ZNF484: variants seen among roughly 807,000 people sequenced by gnomAD.
ZNF484 encodes zinc finger protein 484, also known as KRAB box containing C2H2 type zinc finger bA526D8.4.
ZNF484 carries 11 observed loss-of-function variants against 12.9 expected under a neutral mutation model. The observed-to-expected ratio is 0.85, with a 90% CI of 0.54 to 1.41. The LOEUF is 1.41. Among genes scored for constraint, ZNF484 ranks in the 40% most tolerant of loss-of-function variants. The probability of loss-of-function intolerance (pLI) is 0.00; values close to 1 mark genes in which losing one functional copy is unlikely to be tolerated. For missense variants in ZNF484, 807 were observed against 1,007.7 expected (o/e 0.80, Z 2.70); for synonymous variants, 289 against 334.1 (o/e 0.86, Z 1.47).
rs943719386 is a variant in ZNF484, at chr9:92,845,868, T to C, written c.*360A>G. ...AAAAACTGCTGATTCACTTTCATTA[T>C]AGACCTAAATTGCCCTCTCTTTGCC... On this transcript the variant is annotated 3_prime_UTR_variant, in exon 5 of 5. Transcript: ENST00000375495. This position sits in a 1 kb window ranked among gnomAD's most constrained non-coding sequence, Gnocchi z 4.0. The C allele has an allele frequency of 2.8e-5, 5 of 179,722 alleles. No homozygotes were observed. The highest frequency in any genetic ancestry group is 5.8e-5 in the Non-Finnish European group (5 of 86,776). The allele number at this position is 179,722 out of a possible 1,614,324, so 11.1% of individuals were successfully genotyped here.
chr9:92,850,719 G>A (rs550538224), intron 4 of ZNF484, among the ~76,000 whole-genome samples: 1 of 152,218 alleles, frequency 6.6e-6, no homozygotes, highest in East Asian at 1.9e-4. Context: ...GAGCAGGTGG[G>A]ACTACAGACA....
At chr9:92,860,736 C>T (rs1478314377) in intron 2 of ZNF484, among the ~76,000 whole-genome samples, 1 of 152,036 alleles carries the variant, frequency 6.6e-6, no homozygotes, top group Non-Finnish European at 1.5e-5. Flanking sequence ...GTGGAGCTCT[C>T]TCAATCATCC....
chr9:92,864,504 C>T (rs1245967549), intron 2 of ZNF484, among the ~76,000 whole-genome samples: 1 of 152,080 alleles, frequency 6.6e-6, no homozygotes, highest in African/African-American at 2.4e-5. Context: ...TACTTTCAGA[C>T]TTCTTTTGCT....
intron 1 of ZNF484, among the ~76,000 whole-genome samples, chr9:92,875,977 G>C (rs1399343873): frequency 6.6e-6 from 1 of 152,204 alleles, no homozygotes; most frequent in African/African-American, 2.4e-5. Context: ...CCACTTCTCT[G>C]TCAGGGCCAG....
At chr9:92,863,385 A>T (rs1856891571) in intron 2 of ZNF484, among the ~76,000 whole-genome samples, 1 of 152,084 alleles carries the variant, frequency 6.6e-6, no homozygotes, top group Non-Finnish European at 1.5e-5. Context: ...CCTATGCAAC[A>T]AACCTGCACA....
In ZNF484 at chr9:92,855,823, GAC is replaced by G. The variant is rs1418925980; in HGVS notation, c.221_222del (p.Ser74ThrfsTer19). ...GTTCCCTTCTCACCTGGACGGCTCT[GAC>G]TGGGGATCTCACCATCCAACATACA... ...EPCMLDGEIP[S>X]QSRPDGDIGF... On this transcript the variant is annotated frameshift_variant, in exon 4 of 5. Transcript: ENST00000375495. LOFTEE classifies it low-confidence loss of function (END_TRUNC). 1.2e-6 allele frequency: 2 copies of G among 1,614,058 alleles called. No homozygotes were observed. The highest frequency in any genetic ancestry group is 1.7e-6 in the Non-Finnish European group (2 of 1,179,980).
intron 4 of ZNF484, among the ~76,000 whole-genome samples, chr9:92,852,817 G>T (rs182649538): frequency 6.6e-6 from 1 of 152,140 alleles, no homozygotes; most frequent in African/African-American, 2.4e-5. Context: ...GATTACAGGC[G>T]TGAGCCACTG....
intron 2 of ZNF484, among the ~76,000 whole-genome samples, chr9:92,860,516 A>G (rs1856717635): frequency 6.7e-6 from 1 of 149,128 alleles, no homozygotes; most frequent in Non-Finnish European, 1.5e-5. Flanking sequence ...AGGCAGGAGA[A>G]TGGCGTGAAC....
chr9:92,862,067 A>C, intron 2 of ZNF484: 2 of 704,034 alleles, frequency 2.8e-6, no homozygotes, highest in Non-Finnish European at 3.5e-6. Context: ...AGCTGTCAAT[A>C]TTGAATTCAA....
intron 2 of ZNF484, among the ~76,000 whole-genome samples, chr9:92,865,016 C>T (rs142170407): frequency 1.7e-3 from 251 of 151,554 alleles, no homozygotes; most frequent in African/African-American, 5.9e-3. Context: ...ACAGAAATCA[C>T]ACACACACAC....
intron 2 of ZNF484, among the ~76,000 whole-genome samples, chr9:92,859,401 A>G (rs1310550129): frequency 6.6e-6 from 1 of 152,182 alleles, no homozygotes; most frequent in Non-Finnish European, 1.5e-5. Context: ...AAAACAACAC[A>G]GTAGTGAGTT....
rs370668640 is a variant in ZNF484 at position 92,845,615 on chromosome 9, A to T, written c.*613T>A. On this transcript the variant is annotated 3_prime_UTR_variant, in exon 5 of 5. Transcript: ENST00000375495. The surrounding 1 kb of genome is among the most constrained non-coding windows in gnomAD (Gnocchi z 4.0). ...TTCTGTGGTGAAAGCTGAGGATCTA[A>T]AGTGCTGCTATCTAGACCTGGGTCC... is the stretch of plus-strand genomic sequence containing the variant. 1 of 152,238 alleles carries T rather than the reference A, an allele frequency of 6.6e-6. No individual in the cohort carries two copies. Among genetic ancestry groups the T allele is most frequent in the Admixed American group, 6.5e-5 (1 of 15,284 alleles). The allele number at this position is 152,238 out of a possible 1,614,324, so 9.4% of individuals were successfully genotyped here.
chr9:92,865,575 G>A (rs532467812), intron 2 of ZNF484, among the ~76,000 whole-genome samples: 154 of 152,196 alleles, frequency 1.0e-3, no homozygotes, highest in Middle Eastern at 3.4e-3. Flanking sequence ...ACAAATTGGC[G>A]TAACAAACTT....
intron 2 of ZNF484, among the ~76,000 whole-genome samples, chr9:92,868,811 A>G (rs1042825948): frequency 5.9e-5 from 9 of 152,176 alleles, no homozygotes; most frequent in Non-Finnish European, 1.2e-4. Flanking sequence ...ATCTGTCCCC[A>G]TGACCCAAAC....
intron 2 of ZNF484, among the ~76,000 whole-genome samples, chr9:92,859,014 T>C (rs955522618): frequency 1.6e-4 from 24 of 152,092 alleles, no homozygotes; most frequent in African/African-American, 5.8e-4. Context: ...TAGTCCCAGC[T>C]ACTCAGGAGG....
Position 92,847,594 on chromosome 9 carries a change from G to A in ZNF484, c.1193C>T (p.Thr398Ile), listed in dbSNP as rs1436831406. ...ATGGATTTTCTGATGCATACTTAGT[G>A]TTGATTTCCTTGTGAAAGCTTTTCC... The part of the protein sequence containing the change: ...ECGKAFTRKS[T>I]LSMHQKIHTG... Residue 398 changes from threonine to isoleucine, a missense_variant, in exon 5 of 5, where the codon ACA becomes ATA. Physicochemically the swap from Thr to Ile is moderately conservative, Grantham distance 89. Coordinates refer to ENST00000375495, the MANE Select transcript of ZNF484 (RefSeq NM_031486.4). The A allele has an allele frequency of 6.2e-7, 1 of 1,614,076 alleles. No homozygotes were observed. Among genetic ancestry groups the A allele is most frequent in the Non-Finnish European group, 8.5e-7 (1 of 1,180,006 alleles).
chr9:92,855,720 A>C lies in ZNF484; in HGVS notation c.235+91T>G, dbSNP rs1343730214. 1.0e-5 allele frequency: 11 copies of C among 1,100,540 alleles called. No homozygotes were observed. In the East Asian group the frequency reaches 2.6e-4, roughly 26 times the overall value. The allele number at this position is 1,100,540 out of a possible 1,614,324, so 68.2% of individuals were successfully genotyped here. A position where few individuals can be genotyped will look rare whatever the true frequency, so the allele number is the denominator to read the frequency against. ...AGTTCTAAAAGTCATTATTAATGAC[A>C]CATCAAAGTTGGGCAAAGTTGGGCA... On this transcript the variant is annotated intron_variant, in intron 4 of 4. Coordinates refer to ENST00000375495, the MANE Select transcript of ZNF484 (RefSeq NM_031486.4).
chr9:92,868,331 C>A (rs1040217326), intron 2 of ZNF484, among the ~76,000 whole-genome samples: 20 of 152,308 alleles, frequency 1.3e-4, no homozygotes, highest in African/African-American at 4.8e-4. Context: ...CTTTAAAGAG[C>A]TGAAATGAAT....
Position 92,847,723 on chromosome 9 carries a change from G to A in ZNF484, c.1064C>T (p.Pro355Leu), listed in dbSNP as rs1295513857. 2 of 1,613,740 alleles carry A rather than the reference G, an allele frequency of 1.2e-6. No homozygotes were observed. The highest frequency in any genetic ancestry group is 4.5e-5 in the East Asian group (2 of 44,880). Reference sequence around the variant, plus strand: ...TTTCTCACATTCACTGTACTCATAAGGTTTTTCTCCAGAATGAATTCTCTG... The same window carrying A: ...TTTCTCACATTCACTGTACTCATAAAGTTTTTCTCCAGAATGAATTCTCTG... ...RCQRIHSGEK[P>L]YEYSECEKNL... is the part of the protein sequence containing the mutation. Residue 355 changes from proline to leucine, a missense_variant, in exon 5 of 5, where the codon CCT becomes CTT. Coordinates refer to ENST00000375495, the MANE Select transcript of ZNF484 (RefSeq NM_031486.4).
Sources: allele counts gnomAD v4.1 joint callset (sites outside exome capture counted in the v4.1 genomes callset), GRCh38; gene constraint gnomAD v4.1.1; non-coding constraint Gnocchi (gnomAD v3.1); transcripts MANE v1.5; gene names NCBI Gene and HGNC (gene_info 2026-07-23, HGNC 2026-07-21).